PDE7B: variants seen among roughly 807,000 people sequenced by gnomAD.
PDE7B encodes the protein phosphodiesterase 7B.
PDE7B carries 29 observed loss-of-function variants against 56.2 expected under a neutral mutation model. The ratio of observed to expected loss-of-function variants is 0.52; its 90% CI spans 0.38 to 0.70. The LOEUF is 0.70. PDE7B is among the 30% of genes least tolerant of loss of function. The probability of loss-of-function intolerance (pLI) is 0.00; values close to 1 mark genes in which losing one functional copy is unlikely to be tolerated. For missense variants in PDE7B, 490 were observed against 565.0 expected (o/e 0.87, Z 1.35); for synonymous variants, 197 against 196.9 (o/e 1.00, Z 0.00).
intron 2 of PDE7B, among the ~76,000 whole-genome samples, chr6:135,972,233 C>CAAAA (rs72005772): frequency 9.2e-5 from 6 of 65,186 alleles, no homozygotes; most frequent in Non-Finnish European, 1.1e-4. Context: ...AAACTGTTCT[C>CAAAA]AAAAAAAAAA....
Position 136,026,425 on chromosome 6 carries a change from T to C in PDE7B, c.82+78901T>C, listed in dbSNP as rs186981547. ...GAAGATGTGACTTTGGCTTGAGAAA[T>C]ATGAGATGTAATCCTGCCATGAAGA... On this transcript the variant is annotated intron_variant, in intron 2 of 12. Transcript: ENST00000308191. Among the ~76,000 whole-genome samples, 9 of 152,266 alleles carry C rather than the reference T, an allele frequency of 5.9e-5. No homozygotes were observed. In the East Asian group the frequency reaches 1.7e-3, roughly 29 times the overall value.
Position 135,927,350 on chromosome 6 carries a change from G to C in PDE7B, c.22-20114G>C, listed in dbSNP as rs116692268. Among the ~76,000 whole-genome samples the C allele has an allele frequency of 2.1e-3, 312 of 152,042 alleles. 1 individual carries two copies. Among genetic ancestry groups the C allele is most frequent in the African/African-American group, 7.2e-3 (300 of 41,486 alleles). ...CTCCAGCTTTGTTCTTTTTTTCTTA[G>C]GATTACTTGGGTGACTCAGGCTCTT... On this transcript the variant is annotated intron_variant, in intron 1 of 12. Transcript: ENST00000308191.
chr6:136,004,129 A>C (rs1260769158), intron 2 of PDE7B, among the ~76,000 whole-genome samples: 1 of 152,180 alleles, frequency 6.6e-6, no homozygotes, highest in African/African-American at 2.4e-5. Flanking sequence ...AGATGCAGAA[A>C]AGGCCTTTGA....
intron 7 of PDE7B, among the ~76,000 whole-genome samples, chr6:136,154,427 A>G (rs562282927): frequency 3.4e-4 from 52 of 152,238 alleles, no homozygotes; most frequent in Admixed American, 9.2e-4. Flanking sequence ...AAAAAAAAAA[A>G]AAAAAACTTC....
intron 3 of PDE7B, among the ~76,000 whole-genome samples, chr6:136,138,268 A>AT (rs1437837101): frequency 6.6e-6 from 1 of 152,126 alleles, no homozygotes; most frequent in African/African-American, 2.4e-5. Flanking sequence ...TATGGTAGCT[A>AT]TGCACTGGGA....
chr6:136,089,131 G>C (rs113014812), intron 2 of PDE7B, among the ~76,000 whole-genome samples: 3,728 of 152,234 alleles, frequency 0.024, 73 homozygotes, highest in Non-Finnish European at 0.04. Context: ...TGTGAGACAT[G>C]ATAAGGTCCC....
intron 2 of PDE7B, chr6:136,038,300 C>T: frequency 6.2e-6 from 8 of 1,295,766 alleles, no homozygotes; most frequent in South Asian, 1.2e-5. Flanking sequence ...AATGCCTGTG[C>T]TAGAGCGATA....
At chr6:136,165,559 C>T (rs993202184) in intron 8 of PDE7B, 9 of 152,170 alleles carry the variant, frequency 5.9e-5, no homozygotes, top group Non-Finnish European at 1.0e-4. Context: ...CACAATAGCT[C>T]CACAAAACAT....
intron 1 of PDE7B, among the ~76,000 whole-genome samples, chr6:135,884,444 C>T (rs76773853): frequency 0.034 from 5,242 of 152,136 alleles, 152 homozygotes; most frequent in African/African-American, 0.084. Flanking sequence ...CCAGTCTTTC[C>T]GGCAGAATTT....
Position 136,179,085 on chromosome 6 carries a change from C to G in PDE7B, c.892C>G (p.Leu298Val). 6.2e-7 allele frequency: 1 copy of G among 1,614,018 alleles called. No homozygotes were observed. Among genetic ancestry groups the G allele is most frequent in the Non-Finnish European group, 8.5e-7 (1 of 1,179,862 alleles). Residue 298 changes from leucine (L) to valine (V), a missense_variant, in exon 10 of 13, where the codon CTC becomes GTC. Coordinates refer to ENST00000308191, the MANE Select transcript of PDE7B (RefSeq NM_018945.4). The stretch of plus-strand genomic sequence containing the variant: ...ATTTTTGACCAGATTGAAAGCTCAC[C>G]TCCACAATAAAGACTTAAGACTGGA... ...NEFLTRLKAH[L>V]HNKDLRLEDA...
intron 1 of PDE7B, among the ~76,000 whole-genome samples, chr6:135,917,905 C>T (rs995085727): frequency 6.6e-6 from 1 of 152,158 alleles, no homozygotes; most frequent in Non-Finnish European, 1.5e-5. Context: ...GGTGAGCCCG[C>T]TCTCCTTTGG....
Position 136,141,923 on chromosome 6 carries a change from A to G in PDE7B, c.167-5428A>G, listed in dbSNP as rs565652746. Among the ~76,000 whole-genome samples the G allele has an allele frequency of 1.7e-4, 23 of 132,526 alleles. No individual in the cohort carries two copies. The East Asian group carries it at 4.9e-3, about 28-fold the overall frequency. 86.9% of individuals were successfully genotyped at this position (132,526 alleles called of 152,430 possible). Reference sequence around the variant, plus strand: ...AAAAAACCAGCTTCTGGATTCATTGATTTTTTGAAGGGTTTTTTGTATCTG... The same window carrying G: ...AAAAAACCAGCTTCTGGATTCATTGGTTTTTTGAAGGGTTTTTTGTATCTG... On this transcript the variant is annotated intron_variant, in intron 3 of 12. Transcript: ENST00000308191.
chr6:136,140,203 C>T (rs1470151617), intron 3 of PDE7B, among the ~76,000 whole-genome samples: 2 of 152,162 alleles, frequency 1.3e-5, no homozygotes, highest in Non-Finnish European at 2.9e-5. Flanking sequence ...AGCCAGTTTT[C>T]CCAGTAGCAT....
intron 1 of PDE7B, among the ~76,000 whole-genome samples, chr6:135,883,818 C>A (rs937422501): frequency 2.0e-5 from 3 of 152,170 alleles, no homozygotes; most frequent in African/African-American, 7.2e-5. Flanking sequence ...CTCTTTCCTG[C>A]TGGGGTGCCT....
intron 2 of PDE7B, among the ~76,000 whole-genome samples, chr6:136,081,559 C>T (rs1777206825): frequency 1.3e-5 from 2 of 152,324 alleles, no homozygotes; most frequent in South Asian, 2.1e-4. Context: ...CTATGAGCCT[C>T]ACAACTGATT....
At chr6:135,918,453 A>G (rs181150783) in intron 1 of PDE7B, among the ~76,000 whole-genome samples, 1 of 152,286 alleles carries the variant, frequency 6.6e-6, no homozygotes, top group Non-Finnish European at 1.5e-5. Flanking sequence ...TAAGTATACT[A>G]GGCCTAAGAC....
intron 1 of PDE7B, among the ~76,000 whole-genome samples, chr6:135,932,992 C>T (rs544454330): frequency 7.2e-5 from 11 of 152,220 alleles, no homozygotes; most frequent in Admixed American, 2.0e-4. Context: ...GTGTTCTGGG[C>T]GCTGTGCTGA....
chr6:135,904,983 A>G (rs1004117335), intron 1 of PDE7B, among the ~76,000 whole-genome samples: 22 of 152,148 alleles, frequency 1.4e-4, no homozygotes, highest in Admixed American at 1.4e-3. Context: ...GCAGTTGCAC[A>G]GGGTCCCATA....
intron 1 of PDE7B, among the ~76,000 whole-genome samples, chr6:135,895,985 A>T (rs368589099): frequency 6.6e-6 from 1 of 152,096 alleles, no homozygotes; most frequent in African/African-American, 2.4e-5. Context: ...ATTTTCTGTG[A>T]ATGGTGTCTT....
Sources: gnomAD v4.1 joint callset for allele counts (sites outside exome capture counted in the v4.1 genomes callset) on GRCh38, gnomAD v4.1.1 for gene constraint, MANE v1.5 for transcripts, NCBI Gene and HGNC (gene_info 2026-07-23, HGNC 2026-07-21) for gene names.